The following SLCO3A1 variants were observed in gnomAD, a reference collection of about 807,000 sequenced individuals.
The protein encoded by SLCO3A1 is solute carrier organic anion transporter family member 3A1, also known as PGE1 transporter.
In SLCO3A1, 27 loss-of-function variants were observed where a neutral mutation model predicts 63.1. The observed-to-expected ratio is 0.43, with a 90% CI of 0.32 to 0.59. The LOEUF is 0.59. Among genes scored for constraint, SLCO3A1 ranks in the 20% least tolerant of loss-of-function variants. SLCO3A1 has a pLI of 0.09. For synonymous variants in SLCO3A1, 473 were observed against 409.9 expected, an observed-to-expected ratio of 1.15 and a Z score of -1.86; for missense variants, 773 against 945.8, an observed-to-expected ratio of 0.82 and a Z score of 2.40.
At chr15:91,964,480 G>A (rs1222401749) in intron 2 of SLCO3A1, among the ~76,000 whole-genome samples, 8 of 151,558 alleles carry the variant, frequency 5.3e-5, no homozygotes, top group East Asian at 3.9e-4. Flanking sequence ...TTACTAATAT[G>A]TGGGCAGCTC....
At chr15:92,157,458 G>C (rs559275180) in intron 9 of SLCO3A1, among the ~76,000 whole-genome samples, 1 of 151,068 alleles carries the variant, frequency 6.6e-6, no homozygotes, top group Admixed American at 6.6e-5. Context: ...GGACACACCT[G>C]ATTATCCTCT....
intron 7 of SLCO3A1, among the ~76,000 whole-genome samples, chr15:92,139,612 CT>C (rs927675749): frequency 6.6e-6 from 1 of 152,042 alleles, no homozygotes; most frequent in African/African-American, 2.4e-5. Context: ...GTTCTGGACT[CT>C]TTTTGGTTGG....
intron 2 of SLCO3A1, among the ~76,000 whole-genome samples, chr15:92,083,951 T>A (rs1338037571): frequency 1.3e-5 from 2 of 152,182 alleles, no homozygotes; most frequent in Non-Finnish European, 2.9e-5. Context: ...ACACAGCCAG[T>A]GACTGCAGAC....
At chr15:91,919,216 AATCAAGCCGAT>A (rs1898761293) in intron 2 of SLCO3A1, among the ~76,000 whole-genome samples, 1 of 152,190 alleles carries the variant, frequency 6.6e-6, no homozygotes, top group African/African-American at 2.4e-5. Context: ...TTCCATCTTG[AATCAAGCCGAT>A]ATTTTCCACT....
intron 2 of SLCO3A1, among the ~76,000 whole-genome samples, chr15:91,945,174 T>C (rs143732406): frequency 2.3e-3 from 357 of 152,072 alleles, no homozygotes; most frequent in African/African-American, 8.2e-3. Flanking sequence ...AAACCCTGTC[T>C]CTACTAAAAA....
intron 2 of SLCO3A1, among the ~76,000 whole-genome samples, chr15:92,034,273 G>T (rs1336602530): frequency 1.3e-5 from 2 of 151,424 alleles, no homozygotes; most frequent in Non-Finnish European, 3.0e-5. Flanking sequence ...AGGGGAAGAG[G>T]CCAGAAGTCC....
At chr15:91,959,042 G>T (rs1304461542) in intron 2 of SLCO3A1, among the ~76,000 whole-genome samples, 2 of 152,110 alleles carry the variant, frequency 1.3e-5, no homozygotes, top group African/African-American at 4.8e-5. Flanking sequence ...ACCAAGGAGT[G>T]GATAAAGAAA....
At chr15:92,046,689 G>A (rs765181286) in intron 2 of SLCO3A1, among the ~76,000 whole-genome samples, 88 of 152,070 alleles carry the variant, frequency 5.8e-4, no homozygotes, top group Non-Finnish European at 1.1e-3. Context: ...CAACTGTGAA[G>A]CCCCATGTAG....
chr15:92,120,094 CA>C (rs2047845395), intron 4 of SLCO3A1, among the ~76,000 whole-genome samples: 1 of 151,478 alleles, frequency 6.6e-6, no homozygotes, highest in African/African-American at 2.4e-5. Flanking sequence ...CACACACACA[CA>C]TTTTTTTTTC....
At chr15:92,169,268 G>T (rs1204134617), downstream of SLCO3A1, among the ~76,000 whole-genome samples, 2 of 152,160 alleles carry the variant, frequency 1.3e-5, no homozygotes, top group African/African-American at 4.8e-5. Flanking sequence ...TTCAAACCCA[G>T]GTCTGTGAAA....
intron 9 of SLCO3A1, among the ~76,000 whole-genome samples, chr15:92,159,690 G>C (rs2048413913): frequency 6.6e-6 from 1 of 151,062 alleles, no homozygotes; most frequent in Non-Finnish European, 1.5e-5. Context: ...TCGGCCTCCT[G>C]AGTACTTAGC....
In SLCO3A1 at chr15:92,164,839, G is replaced by A; in HGVS notation, c.*1704G>A. 1 of 985,348 alleles carries A rather than the reference G, an allele frequency of 1.0e-6. No individual in the cohort carries two copies. Among genetic ancestry groups the A allele is most frequent in the Non-Finnish European group, 1.2e-6 (1 of 829,936 alleles). The allele number at this position is 985,348 out of a possible 1,614,324, so 61.0% of individuals were successfully genotyped here. On this transcript the variant is annotated 3_prime_UTR_variant, in exon 10 of 10. Transcript: ENST00000318445. ...GGCCTTCTACGGCCATTTCTGTAAG[G>A]GGACAGAGCTTAGGTAAAGGCACAC... is the stretch of plus-strand genomic sequence containing the variant.
chr15:91,997,037 T>C (rs1203297299), intron 2 of SLCO3A1, among the ~76,000 whole-genome samples: 1 of 152,116 alleles, frequency 6.6e-6, no homozygotes, highest in Non-Finnish European at 1.5e-5. Flanking sequence ...ATAAAAGTCT[T>C]CCAAATGGAA....
intron 9 of SLCO3A1, among the ~76,000 whole-genome samples, chr15:92,154,590 C>G (rs867415282): frequency 1.3e-5 from 2 of 152,204 alleles, no homozygotes; most frequent in South Asian, 4.1e-4. Context: ...CAGGAAGACC[C>G]TCTTTCCAGA....
intron 2 of SLCO3A1, among the ~76,000 whole-genome samples, chr15:91,920,968 G>A (rs563539918): frequency 6.6e-6 from 1 of 152,178 alleles, no homozygotes; most frequent in African/African-American, 2.4e-5. Flanking sequence ...GGGCTGGGGA[G>A]CTCATTACCA....
At chr15:91,858,281 C>G (rs1243501660) in intron 1 of SLCO3A1, among the ~76,000 whole-genome samples, 1 of 152,124 alleles carries the variant, frequency 6.6e-6, no homozygotes, top group Non-Finnish European at 1.5e-5. Context: ...TTTATTTAAT[C>G]AAATTATTTT....
intron 7 of SLCO3A1, among the ~76,000 whole-genome samples, chr15:92,145,103 G>C (rs1040477131): frequency 2.0e-5 from 3 of 152,320 alleles, no homozygotes; most frequent in East Asian, 3.9e-4. Flanking sequence ...AGGGGCCTGT[G>C]CTCCTGGGAG....
intron 6 of SLCO3A1, among the ~76,000 whole-genome samples, chr15:92,126,508 A>G (rs932473313): frequency 1.3e-5 from 2 of 152,202 alleles, no homozygotes; most frequent in Non-Finnish European, 2.9e-5. Context: ...GCAGACTCAC[A>G]TCGCGATTTT....
intron 2 of SLCO3A1, among the ~76,000 whole-genome samples, chr15:92,023,028 C>G (rs952052867): frequency 3.9e-5 from 6 of 152,284 alleles, no homozygotes; most frequent in African/African-American, 1.4e-4. Flanking sequence ...CCAGCAAAAC[C>G]GTTCACTTTA....
Sources: allele counts gnomAD v4.1 joint callset (sites outside exome capture counted in the v4.1 genomes callset), GRCh38; gene constraint gnomAD v4.1.1; transcripts MANE v1.5; gene names NCBI Gene and HGNC (gene_info 2026-07-23, HGNC 2026-07-21).